Variants in GHR observed in about 807,000 individuals in gnomAD.
GHR encodes the protein GH receptor.
Under a neutral mutation model 67.1 loss-of-function variants are expected in GHR, and 35 were observed. That is an observed-to-expected ratio of 0.52 (90% CI 0.40 to 0.69). GHR has a LOEUF of 0.69. Among genes scored for constraint, GHR ranks in the 30% least tolerant of loss-of-function variants. GHR has a pLI of 0.00. For synonymous variants in GHR, 272 were observed against 269.1 expected, an observed-to-expected ratio of 1.01 and a Z score of -0.10; for missense variants, 792 against 764.6, an observed-to-expected ratio of 1.04 and a Z score of -0.42.
intron 1 of GHR, among the ~76,000 whole-genome samples, chr5:42,459,401 C>G (rs1172652875): frequency 6.6e-6 from 1 of 152,072 alleles, no homozygotes; most frequent in Non-Finnish European, 1.5e-5. Context: ...CCTAAGTGGA[C>G]TAACACAGGA....
At chr5:42,610,939 C>T (rs1052786583) in intron 2 of GHR, among the ~76,000 whole-genome samples, 1 of 152,164 alleles carries the variant, frequency 6.6e-6, no homozygotes, top group Non-Finnish European at 1.5e-5. Context: ...GCCAGTTACA[C>T]TCTGCCATAG....
intron 1 of GHR, among the ~76,000 whole-genome samples, chr5:42,517,092 T>A (rs1231834030): frequency 6.6e-6 from 1 of 152,206 alleles, no homozygotes; most frequent in East Asian, 1.9e-4. Context: ...GTTAAATCAT[T>A]AAGCATTTAT....
At chr5:42,645,200 T>C (rs1754669665) in intron 3 of GHR, among the ~76,000 whole-genome samples, 1 of 152,194 alleles carries the variant, frequency 6.6e-6, no homozygotes, top group African/African-American at 2.4e-5. Context: ...GAAAAATAAA[T>C]GTCTTAGAAT....
At chr5:42,448,005 A>G (rs1467721666) in intron 1 of GHR, among the ~76,000 whole-genome samples, 1 of 151,878 alleles carries the variant, frequency 6.6e-6, no homozygotes, top group Non-Finnish European at 1.5e-5. Context: ...CCAGTGATCC[A>G]CCCACCTCAG....
At chr5:42,699,349 C>T (rs1162830447) in intron 5 of GHR, among the ~76,000 whole-genome samples, 1 of 151,938 alleles carries the variant, frequency 6.6e-6, no homozygotes, top group Non-Finnish European at 1.5e-5. Context: ...GGGAACAACA[C>T]AGAAATGAGG....
Position 42,465,730 on chromosome 5 carries a change from C to T in GHR, c.-12+41775C>T, listed in dbSNP as rs189362972. On this transcript the variant is annotated intron_variant, in intron 1 of 9. Transcript: ENST00000230882. ...AAAAAGATCTATCACTTCCACTATA[C>T]CTATCAAATTCACGTTTGCCACGAG... 185 of 921,554 alleles carry T rather than the reference C, an allele frequency of 2.0e-4. No individual in the cohort carries two copies. The African/African-American group carries it at 2.4e-3, about 12-fold the overall frequency. 57.1% of individuals were successfully genotyped at this position (921,554 alleles called of 1,614,324 possible). A position where few individuals can be genotyped will look rare whatever the true frequency, so the allele number is the denominator to read the frequency against.
chr5:42,426,885 G>A (rs1180651763), intron 1 of GHR, among the ~76,000 whole-genome samples: 1 of 152,108 alleles, frequency 6.6e-6, no homozygotes, highest in African/African-American at 2.4e-5. Flanking sequence ...TGTGAAAATG[G>A]TCTAGTCTAT....
Position 42,689,003 on chromosome 5 carries a change from C to T in GHR, c.250C>T (p.Leu84=). Residue 84 remains leucine (L), a synonymous_variant, in exon 4 of 10, where the codon CTG becomes TTG. Coordinates refer to ENST00000230882, the MANE Select transcript of GHR (RefSeq NM_000163.5). ...TACAAAGAACCTAGGACCCATACAG[C>T]TGTTCTATACCAGAAGGTGCCACCA... ...HGTKNLGPIQ[L]FYTRRNTQEW... is the part of the protein sequence containing the mutation. 6.2e-7 allele frequency: 1 copy of T among 1,613,736 alleles called. No individual in the cohort carries two copies. Among genetic ancestry groups the T allele is most frequent in the Non-Finnish European group, 8.5e-7 (1 of 1,179,624 alleles).
intron 1 of GHR, among the ~76,000 whole-genome samples, chr5:42,521,749 G>T (rs1747484157): frequency 6.6e-6 from 1 of 152,130 alleles, no homozygotes; most frequent in Non-Finnish European, 1.5e-5. Context: ...TCTTATTTTA[G>T]AAGAGAGGAT....
At chr5:42,657,903 G>T (rs1471406994) in intron 3 of GHR, among the ~76,000 whole-genome samples, 1 of 152,112 alleles carries the variant, frequency 6.6e-6, no homozygotes, top group Non-Finnish European at 1.5e-5. Context: ...TGAGTAGGTG[G>T]TCCTAAAATG....
At chr5:42,521,163 A>G (rs1747456744) in intron 1 of GHR, among the ~76,000 whole-genome samples, 1 of 152,218 alleles carries the variant, frequency 6.6e-6, no homozygotes. Flanking sequence ...CGAGAAGCCA[A>G]GGGAATAGGA....
At chr5:42,693,267 G>A (rs536685418) in intron 4 of GHR, among the ~76,000 whole-genome samples, 3 of 151,674 alleles carry the variant, frequency 2.0e-5, no homozygotes, top group East Asian at 3.9e-4. Context: ...CCTACCTACC[G>A]AATAGCTGGG....
At chr5:42,466,457 C>T (rs976941613) in intron 1 of GHR, among the ~76,000 whole-genome samples, 4 of 152,126 alleles carry the variant, frequency 2.6e-5, no homozygotes, top group Non-Finnish European at 4.4e-5. Flanking sequence ...GTTTCCTTAC[C>T]TAGTCACCAC....
intron 3 of GHR, among the ~76,000 whole-genome samples, chr5:42,657,669 T>C (rs1254289344): frequency 2.6e-5 from 4 of 152,198 alleles, no homozygotes; most frequent in African/African-American, 4.8e-5. Context: ...CTATCCCTTT[T>C]TTGTCACTCT....
chr5:42,579,171 GATA>G (rs1751016361), intron 2 of GHR, among the ~76,000 whole-genome samples: 5 of 143,434 alleles, frequency 3.5e-5, no homozygotes, highest in African/African-American at 5.3e-5. Context: ...TAGATAGATA[GATA>G]GATAGATAGA....
At chr5:42,552,026 G>A (rs1579924554) in intron 1 of GHR, among the ~76,000 whole-genome samples, 1 of 152,168 alleles carries the variant, frequency 6.6e-6, no homozygotes, top group East Asian at 1.9e-4. Context: ...TGTCCCTTTG[G>A]CTTCCTGGTA....
intron 3 of GHR, among the ~76,000 whole-genome samples, chr5:42,670,314 C>T (rs1160584791): frequency 6.6e-6 from 1 of 150,768 alleles, no homozygotes; most frequent in Non-Finnish European, 1.5e-5. Flanking sequence ...AACTGGAAAT[C>T]CACATGCTGA....
At chr5:42,498,513 A>C (rs1461285408) in intron 1 of GHR, among the ~76,000 whole-genome samples, 1 of 152,262 alleles carries the variant, frequency 6.6e-6, no homozygotes, top group Non-Finnish European at 1.5e-5. Flanking sequence ...AGTAAATTGC[A>C]AAGTCCCCAT....
At chr5:42,637,665 T>C (rs770399728) in intron 3 of GHR, among the ~76,000 whole-genome samples, 17 of 152,210 alleles carry the variant, frequency 1.1e-4, no homozygotes, top group Non-Finnish European at 2.1e-4. Flanking sequence ...TAGCTTTTCA[T>C]GGTATACGTG....
Sources: allele counts gnomAD v4.1 joint callset (sites outside exome capture counted in the v4.1 genomes callset), GRCh38; gene constraint gnomAD v4.1.1; transcripts MANE v1.5; gene names NCBI Gene and HGNC (gene_info 2026-07-23, HGNC 2026-07-21).